The following KHDRBS2 variants were observed in gnomAD, a reference collection of about 807,000 sequenced individuals.
The protein encoded by KHDRBS2 is KH RNA binding domain containing, signal transduction associated 2.
A neutral mutation model predicts 44.3 loss-of-function variants in KHDRBS2; 26 were observed. That is an observed-to-expected ratio of 0.59 (90% confidence interval 0.43 to 0.81). The LOEUF (loss-of-function observed/expected upper bound fraction) is 0.81, where lower values mean the gene tolerates loss of function less well. Ranked by LOEUF, KHDRBS2 falls within the 40% of genes least tolerant of loss-of-function variation. The pLI is 0.00. For synonymous variants in KHDRBS2, 194 were observed against 151.1 expected (o/e 1.28, Z -2.08); for missense variants, 476 against 433.1 (o/e 1.10, Z -0.88).
At chr6:62,273,829 T>C (rs1261274894) in intron 1 of KHDRBS2, among the ~76,000 whole-genome samples, 2 of 152,204 alleles carry the variant, frequency 1.3e-5, no homozygotes, top group Non-Finnish European at 2.9e-5. Context: ...TCTCAGTAAC[T>C]GACACTGTCA....
intron 5 of KHDRBS2, 53 bp downstream of exon 5, chr6:61,901,191 A>G: frequency 6.3e-7 from 1 of 1,577,722 alleles, no homozygotes; most frequent in South Asian, 1.1e-5. Flanking sequence ...ATAAAGCAGG[A>G]CAAAAAAGGC....
At chr6:62,191,886 G>C (rs1274095878) in intron 1 of KHDRBS2, among the ~76,000 whole-genome samples, 1 of 151,980 alleles carries the variant, frequency 6.6e-6, no homozygotes, top group African/African-American at 2.4e-5. Context: ...CAACAAAAGA[G>C]TGACATCTAA....
At chr6:62,065,473 A>C (rs867323435) in intron 2 of KHDRBS2, among the ~76,000 whole-genome samples, 1 of 151,636 alleles carries the variant, frequency 6.6e-6, no homozygotes, top group African/African-American at 2.4e-5. Context: ...ATGAGTTCAT[A>C]TCCTTTGTAG....
intron 6 of KHDRBS2, among the ~76,000 whole-genome samples, chr6:61,784,831 G>C (rs574045726): frequency 6.6e-6 from 1 of 152,054 alleles, no homozygotes; most frequent in South Asian, 2.1e-4. Flanking sequence ...TTTTAAGTTG[G>C]TACAAATTTT....
At chr6:61,954,195 G>C (rs532106184) in intron 4 of KHDRBS2, among the ~76,000 whole-genome samples, 1 of 151,882 alleles carries the variant, frequency 6.6e-6, no homozygotes, top group Non-Finnish European at 1.5e-5. Context: ...GGACTGTCTT[G>C]GTTTTTTCTA....
chr6:62,082,063 T>C (rs1387332511), intron 2 of KHDRBS2, among the ~76,000 whole-genome samples: 5 of 152,172 alleles, frequency 3.3e-5, no homozygotes, highest in Middle Eastern at 3.4e-3. Context: ...GTATGCCCAA[T>C]GGGAATTGAT....
intron 3 of KHDRBS2, among the ~76,000 whole-genome samples, chr6:61,983,864 T>A (rs1381529325): frequency 2.0e-5 from 3 of 152,204 alleles, no homozygotes; most frequent in Non-Finnish European, 2.9e-5. Flanking sequence ...CTCTTACGGG[T>A]TATTAGATTC....
intron 6 of KHDRBS2, among the ~76,000 whole-genome samples, chr6:61,812,047 A>C (rs1788207932): frequency 6.6e-6 from 1 of 152,050 alleles, no homozygotes; most frequent in African/African-American, 2.4e-5. Flanking sequence ...GCATATGGAA[A>C]AGATCTTTGT....
chr6:62,136,328 G>C (rs1811517709), intron 2 of KHDRBS2, among the ~76,000 whole-genome samples: 1 of 152,152 alleles, frequency 6.6e-6, no homozygotes, highest in East Asian at 1.9e-4. Context: ...CTTTACATAA[G>C]AAAAGTGGAA....
chr6:62,198,332 C>A (rs570561660), intron 1 of KHDRBS2, among the ~76,000 whole-genome samples: 6 of 152,116 alleles, frequency 3.9e-5, no homozygotes, highest in East Asian at 3.9e-4. Flanking sequence ...AATTGATAGA[C>A]CGCTAGCAAG....
At chr6:61,693,931 T>C (rs561368019) in intron 8 of KHDRBS2, among the ~76,000 whole-genome samples, 1 of 152,284 alleles carries the variant, frequency 6.6e-6, no homozygotes, top group African/African-American at 2.4e-5. Flanking sequence ...CTTTTTCCAA[T>C]AGCATTACGT....
At chr6:61,841,828 G>A (rs1196713082) in intron 6 of KHDRBS2, among the ~76,000 whole-genome samples, 1 of 152,102 alleles carries the variant, frequency 6.6e-6, no homozygotes, top group Non-Finnish European at 1.5e-5. Context: ...TTTTTACAAA[G>A]ATGGAACTTT....
chr6:62,260,641 T>C (rs1563151122), intron 1 of KHDRBS2, among the ~76,000 whole-genome samples: 1 of 151,950 alleles, frequency 6.6e-6, no homozygotes, highest in Non-Finnish European at 1.5e-5. Flanking sequence ...TTACCTGGAA[T>C]TCCTGGTGAT....
At chr6:62,015,937 A>G (rs1323099421) in intron 3 of KHDRBS2, among the ~76,000 whole-genome samples, 1 of 152,154 alleles carries the variant, frequency 6.6e-6, no homozygotes, top group Non-Finnish European at 1.5e-5. Context: ...AGTGTCAGCA[A>G]AGAGAGATGG....
intron 4 of KHDRBS2, among the ~76,000 whole-genome samples, chr6:61,937,761 T>C (rs1355041002): frequency 1.3e-5 from 2 of 152,088 alleles, no homozygotes; most frequent in African/African-American, 4.8e-5. Context: ...AAGAAGCCTA[T>C]GGTCTTTATT....
intron 6 of KHDRBS2, among the ~76,000 whole-genome samples, chr6:61,787,111 T>C (rs2127583607): frequency 6.6e-6 from 1 of 150,606 alleles, no homozygotes; most frequent in East Asian, 1.9e-4. Context: ...AAGTATGCTA[T>C]TTTGGTGCAT....
At chr6:62,188,492 G>A (rs924614401) in intron 1 of KHDRBS2, among the ~76,000 whole-genome samples, 5 of 152,138 alleles carry the variant, frequency 3.3e-5, no homozygotes, top group African/African-American at 1.2e-4. Flanking sequence ...AAATGTAAAA[G>A]AGGGTAATGG....
At chr6:62,174,651 A>G (rs139862691) in intron 2 of KHDRBS2, among the ~76,000 whole-genome samples, 270 of 151,894 alleles carry the variant, frequency 1.8e-3, no homozygotes, top group African/African-American at 5.9e-3. Context: ...AAGTCTTGAG[A>G]GGGCCATTTC....
At chr6:62,152,274 G>A (rs1206578356) in intron 2 of KHDRBS2, among the ~76,000 whole-genome samples, 6 of 152,104 alleles carry the variant, frequency 3.9e-5, no homozygotes, top group Non-Finnish European at 7.4e-5. Context: ...AGCTGAGATC[G>A]TGCCACTGCA....
Sources: allele counts gnomAD v4.1 joint callset (sites outside exome capture counted in the v4.1 genomes callset), GRCh38; gene constraint gnomAD v4.1.1; transcripts MANE v1.5; gene names NCBI Gene and HGNC (gene_info 2026-07-23, HGNC 2026-07-21).